The following PTPRT variants were observed in gnomAD, a reference collection of about 807,000 sequenced individuals.
PTPRT encodes protein tyrosine phosphatase receptor type T.
Under a neutral mutation model 176.8 loss-of-function variants are expected in PTPRT, and 56 were observed. That is an observed-to-expected ratio of 0.32 (90% CI 0.26 to 0.40). The LOEUF (loss-of-function observed/expected upper bound fraction) is 0.40. Among genes scored for constraint, PTPRT ranks in the 10% least tolerant of loss-of-function variants. The pLI is 1.00. For missense variants in PTPRT, 1,540 were observed against 1,908.2 expected (o/e 0.81, Z 3.60); for synonymous variants, 783 against 739.0 (o/e 1.06, Z -0.96).
At chr20:42,699,752 C>T (rs950239522) in intron 6 of PTPRT, among the ~76,000 whole-genome samples, 11 of 152,188 alleles carry the variant, frequency 7.2e-5, no homozygotes, top group African/African-American at 2.6e-4. Flanking sequence ...GGGATTATGG[C>T]CAATCATGCT....
rs376495738 is a variant in PTPRT at position 42,108,136 on chromosome 20, T to TATCA, written c.3255-1219_3255-1216dup. Among the ~76,000 whole-genome samples, 329 of 151,520 alleles carry TATCA rather than the reference T, an allele frequency of 2.2e-3. 1 individual carries two copies. The highest frequency in any genetic ancestry group is 8.9e-3 in the South Asian group (43 of 4,814). On this transcript the variant is annotated intron_variant, in intron 23 of 30. Coordinates refer to ENST00000373187, the MANE Select transcript of PTPRT (RefSeq NM_007050.6). ...ATTTGGTTCCAAATTTTGGAACAAC[T>TATCA]ATCAATCAATCAGCGGTGACCAAGT...
intron 2 of PTPRT, among the ~76,000 whole-genome samples, chr20:42,791,956 T>C (rs564695720): frequency 3.3e-4 from 51 of 152,318 alleles, no homozygotes; most frequent in Non-Finnish European, 6.3e-4. Context: ...TCCCTTGACT[T>C]TGGGCTCCAC....
intron 2 of PTPRT, among the ~76,000 whole-genome samples, chr20:42,851,111 C>T (rs1288992347): frequency 6.6e-6 from 1 of 152,162 alleles, no homozygotes; most frequent in Non-Finnish European, 1.5e-5. Context: ...AGATACTAGT[C>T]TTCTAATGTT....
intron 7 of PTPRT, among the ~76,000 whole-genome samples, chr20:42,590,790 A>G (rs953881695): frequency 1.3e-5 from 2 of 152,218 alleles, no homozygotes; most frequent in Non-Finnish European, 2.9e-5. Flanking sequence ...CTGCTCACTT[A>G]AAAACATATT....
chr20:42,307,255 C>T (rs927516244), intron 12 of PTPRT, among the ~76,000 whole-genome samples: 3 of 152,136 alleles, frequency 2.0e-5, no homozygotes, highest in South Asian at 2.1e-4. Flanking sequence ...ACTTGTAGAA[C>T]GAATGCTCTA....
intron 12 of PTPRT, among the ~76,000 whole-genome samples, chr20:42,301,599 A>T (rs776954443): frequency 6.6e-6 from 1 of 152,204 alleles, no homozygotes; most frequent in Non-Finnish European, 1.5e-5. Context: ...GCATTAAAGC[A>T]TTTAGGAGTA....
intron 5 of PTPRT, among the ~76,000 whole-genome samples, chr20:42,766,113 G>C (rs1367280857): frequency 3.3e-5 from 5 of 152,192 alleles, no homozygotes; most frequent in Admixed American, 3.3e-4. Flanking sequence ...GCCCCACCTA[G>C]TTGTATCCTG....
chr20:42,688,653 T>G (rs1032285237), intron 6 of PTPRT: 1 of 152,198 alleles, frequency 6.6e-6, no homozygotes, highest in African/African-American at 2.4e-5. Flanking sequence ...GAGACCAAGG[T>G]ACAAATTGCC....
At chr20:42,427,942 T>C (rs528888553) in intron 9 of PTPRT, among the ~76,000 whole-genome samples, 84 of 152,282 alleles carry the variant, frequency 5.5e-4, no homozygotes, top group Non-Finnish European at 8.8e-4. Context: ...TTGACTGTAA[T>C]TTTCCATTAC....
At chr20:42,720,171 T>C (rs2076283951) in intron 6 of PTPRT, among the ~76,000 whole-genome samples, 2 of 152,244 alleles carry the variant, frequency 1.3e-5, no homozygotes, top group Admixed American at 1.3e-4. Context: ...ACTGGGATGC[T>C]GAACAAGGAA....
intron 2 of PTPRT, among the ~76,000 whole-genome samples, chr20:42,834,669 T>C (rs933135099): frequency 3.3e-5 from 5 of 152,154 alleles, no homozygotes; most frequent in Non-Finnish European, 7.4e-5. Flanking sequence ...TGATCAATCT[T>C]TTATTCTTTA....
intron 2 of PTPRT, among the ~76,000 whole-genome samples, chr20:42,806,473 ACT>A (rs2077610029): frequency 8.7e-6 from 1 of 114,526 alleles, no homozygotes; most frequent in African/African-American, 3.2e-5. Flanking sequence ...ACAGAGCAAG[ACT>A]CTGTCTCAAA....
At chr20:42,118,004 G>C (rs1351422516) in intron 21 of PTPRT, among the ~76,000 whole-genome samples, 2 of 152,172 alleles carry the variant, frequency 1.3e-5, no homozygotes, top group East Asian at 3.9e-4. Context: ...GTTAGGCTGA[G>C]CCATAGGAAA....
intron 1 of PTPRT, among the ~76,000 whole-genome samples, chr20:42,980,690 C>T (rs1196277999): frequency 6.6e-6 from 1 of 152,164 alleles, no homozygotes; most frequent in Non-Finnish European, 1.5e-5. Context: ...ACCAAGAAAG[C>T]CTTGACATTC....
At chr20:42,829,605 G>A (rs563211837) in intron 2 of PTPRT, among the ~76,000 whole-genome samples, 17 of 152,294 alleles carry the variant, frequency 1.1e-4, no homozygotes, top group African/African-American at 4.1e-4. Context: ...GCACATGCCT[G>A]TAATCAGAGC....
At chr20:42,060,260 A>G in the PTPRT span, among the ~76,000 whole-genome samples, 1 of 152,200 alleles carries the variant, frequency 6.6e-6, no homozygotes, top group Non-Finnish European at 1.5e-5. Context: ...TGGACTGGAT[A>G]TCAAAAAGAG....
chr20:42,096,317 G>A (rs1985224429), intron 27 of PTPRT, among the ~76,000 whole-genome samples: 1 of 151,832 alleles, frequency 6.6e-6, no homozygotes, highest in Non-Finnish European at 1.5e-5. Context: ...TAAGAGATGG[G>A]GTCAGCCAGA....
chr20:42,757,184 A>G (rs2076847388), intron 5 of PTPRT, among the ~76,000 whole-genome samples: 1 of 152,074 alleles, frequency 6.6e-6, no homozygotes, highest in Admixed American at 6.5e-5. Flanking sequence ...GAGAGGAAAA[A>G]GGCTCCTTCT....
intron 1 of PTPRT, among the ~76,000 whole-genome samples, chr20:43,073,649 T>C (rs1353336570): frequency 1.3e-5 from 2 of 151,636 alleles, no homozygotes; most frequent in African/African-American, 4.8e-5. Flanking sequence ...GCACCAACCT[T>C]ATAGATACAT....
Sources: gnomAD v4.1 joint callset for allele counts (sites outside exome capture counted in the v4.1 genomes callset) on GRCh38, gnomAD v4.1.1 for gene constraint, MANE v1.5 for transcripts, NCBI Gene and HGNC (gene_info 2026-07-23, HGNC 2026-07-21) for gene names.